CASK: variants seen among roughly 807,000 people sequenced by gnomAD.
CASK encodes the protein calcium/calmodulin dependent serine protein kinase, also known as peripheral plasma membrane protein CASK.
In CASK, 4 loss-of-function variants were observed where a neutral mutation model predicts 82.9. That is an observed-to-expected ratio of 0.05 (90% CI 0.02 to 0.11). CASK has a LOEUF of 0.11. CASK is among the 10% of genes least tolerant of loss of function. CASK has a pLI of 1.00. For synonymous variants in CASK, 259 were observed against 253.5 expected, an observed-to-expected ratio of 1.02 and a Z score of -0.20; for missense variants, 358 against 720.9, an observed-to-expected ratio of 0.50 and a Z score of 5.76.
chrX:41,745,474 CTTT>C (rs1382631376), intron 4 of CASK, 47 bp downstream of exon 4: 2 of 850,297 alleles, frequency 2.4e-6, no homozygotes, highest in African/African-American at 4.0e-5. Flanking sequence ...TTGTCATTTT[CTTT>C]TTTTATTTTC....
At chrX:41,571,183 T>C (rs2065406403) in intron 15 of CASK, among the ~76,000 whole-genome samples, 1 of 111,755 alleles carries the variant, frequency 8.9e-6, no homozygotes, top group South Asian at 3.7e-4. Context: ...CTTTCTAGGA[T>C]GAGCTGGGAA....
intron 1 of CASK, among the ~76,000 whole-genome samples, chrX:41,920,965 C>T: frequency 8.9e-6 from 1 of 111,947 alleles, no homozygotes; most frequent in African/African-American, 3.3e-5. Flanking sequence ...TTTTGGGAAA[C>T]ACCTAATTTA....
Position 41,515,191 on chromosome X carries a change from G to A in CASK, c.*5229C>T, listed in dbSNP as rs1286913295. The A allele has an allele frequency of 8.9e-6, 1 of 112,136 alleles. No individual in the cohort carries two copies. Among genetic ancestry groups the A allele is most frequent in the Non-Finnish European group, 1.9e-5 (1 of 53,242 alleles). 9.2% of individuals were successfully genotyped at this position (112,136 alleles called of 1,213,427 possible). A position where few individuals can be genotyped will look rare whatever the true frequency, so the allele number is the denominator to read the frequency against. On this transcript the variant is annotated 3_prime_UTR_variant, in exon 27 of 27. Transcript: ENST00000378163. ...ATCAGGATGGGAGGGCGTGTGCTAAGGCATGTAAATAGATACACACAGAGA... is the reference window on the plus strand; with the variant it reads ...ATCAGGATGGGAGGGCGTGTGCTAAAGCATGTAAATAGATACACACAGAGA...
chrX:41,773,962 T>C (rs1008044942), intron 3 of CASK, among the ~76,000 whole-genome samples: 4 of 111,727 alleles, frequency 3.6e-5, no homozygotes, highest in African/African-American at 1.3e-4. Flanking sequence ...TAAATTTATA[T>C]AAAAGTATTT....
intron 5 of CASK, among the ~76,000 whole-genome samples, chrX:41,735,805 T>A (rs1348140751): frequency 9.0e-6 from 1 of 111,389 alleles, no homozygotes. Flanking sequence ...CTCTTCCAAG[T>A]CCTTGCTCAG....
At chrX:41,558,205 G>C (rs1207928441) in intron 18 of CASK, 4 of 108,403 alleles carry the variant, frequency 3.7e-5, no homozygotes, top group African/African-American at 1.3e-4. Flanking sequence ...TAGCTGGGAA[G>C]AGTCCAACCA....
intron 1 of CASK, among the ~76,000 whole-genome samples, chrX:41,888,621 TTA>T (rs957547908): frequency 9.3e-6 from 1 of 107,382 alleles, no homozygotes; most frequent in Non-Finnish European, 1.9e-5. Flanking sequence ...TAGTATTCCA[TTA>T]TATATATATG....
chrX:41,634,312 T>G (rs965718908), intron 9 of CASK, among the ~76,000 whole-genome samples: 3 of 112,652 alleles, frequency 2.7e-5, no homozygotes, highest in Non-Finnish European at 3.7e-5. Flanking sequence ...TGTAACATGT[T>G]TTAACAAGGT....
intron 8 of CASK, among the ~76,000 whole-genome samples, chrX:41,645,291 A>G (rs2066736804): frequency 8.9e-6 from 1 of 111,836 alleles, no homozygotes; most frequent in African/African-American, 3.2e-5. Context: ...GTTCCTAAAG[A>G]TAATACTCTA....
At position 41,594,605 on chromosome X, in the gene CASK, G is replaced by A. The variant is rs1044561742; in HGVS notation, c.1156-5013C>T. ...CCTGCCTCTTTCATGACTGGAGGCC[G>A]CCTGGGGCAGGCCATGCTTGTAGTG... On this transcript the variant is annotated intron_variant, in intron 12 of 26. Transcript: ENST00000378163. 3.6e-5 allele frequency among the ~76,000 whole-genome samples: 4 copies of A among 111,987 alleles called. 1 individual carries two copies. The highest frequency in any genetic ancestry group is 2.8e-4 in the Admixed American group (3 of 10,612).
At chrX:41,695,809 C>T in intron 5 of CASK, 1 of 1,203,868 alleles carries the variant, frequency 8.3e-7, no homozygotes, top group Admixed American at 2.2e-5. Flanking sequence ...GTGTTAACCA[C>T]ATCCTACTCT....
intron 3 of CASK, among the ~76,000 whole-genome samples, chrX:41,770,257 C>CTATCT (rs771583572): frequency 1.2e-5 from 1 of 86,539 alleles, no homozygotes; most frequent in African/African-American, 4.6e-5. Flanking sequence ...ATCTATCTAT[C>CTATCT]ATCTATCTAT....
chrX:41,569,158 A>C lies in CASK; in HGVS notation c.1582+510T>G, dbSNP rs139950086. Reference sequence around the variant, plus strand: ...TAACTCTATGATGTCCTAATTTATAAATAGCATATCTAATTCCTAAATGAA... The same window carrying C: ...TAACTCTATGATGTCCTAATTTATACATAGCATATCTAATTCCTAAATGAA... On this transcript the variant is annotated intron_variant, in intron 16 of 26. Transcript: ENST00000378163. Among the ~76,000 whole-genome samples the C allele has an allele frequency of 4.5e-3, 503 of 112,144 alleles. 4 individuals are homozygous for C. Among genetic ancestry groups the C allele is most frequent in the African/African-American group, 0.016 (481 of 30,858 alleles).
At chrX:41,774,667 G>A (rs1227815795) in intron 3 of CASK, among the ~76,000 whole-genome samples, 1 of 110,069 alleles carries the variant, frequency 9.1e-6, no homozygotes, top group Non-Finnish European at 1.9e-5. Flanking sequence ...AAACAGCATG[G>A]TACTGGTACC....
intron 2 of CASK, among the ~76,000 whole-genome samples, chrX:41,851,615 G>A (rs2071268063): frequency 9.0e-6 from 1 of 111,511 alleles, no homozygotes; most frequent in African/African-American, 3.3e-5. Flanking sequence ...TTAGAATTTG[G>A]TACAACAATG....
chrX:41,708,116 CAA>C (rs774468294), intron 5 of CASK, among the ~76,000 whole-genome samples: 11 of 31,687 alleles, frequency 3.5e-4, no homozygotes, highest in African/African-American at 4.5e-4. Flanking sequence ...GACTCCATCT[CAA>C]AAAAAAAAAA....
chrX:41,570,317 C>A (rs1442517915), intron 15 of CASK, among the ~76,000 whole-genome samples: 1 of 110,991 alleles, frequency 9.0e-6, no homozygotes, highest in East Asian at 2.8e-4. Flanking sequence ...CATGCCTGGC[C>A]GATAGTGCTT....
At chrX:41,641,435 C>G (rs1344331713) in intron 8 of CASK, among the ~76,000 whole-genome samples, 2 of 111,382 alleles carry the variant, frequency 1.8e-5, no homozygotes, top group Admixed American at 9.6e-5. Context: ...GTATACTTTA[C>G]AGTCTATATA....
chrX:41,665,497 G>A (rs1375948233), intron 6 of CASK, 45 bp from the exon 7 acceptor site: 2 of 1,028,711 alleles, frequency 1.9e-6, no homozygotes, highest in Admixed American at 5.0e-5. Context: ...CATAAAATGG[G>A]ATTTTCACTT....
Sources: allele counts gnomAD v4.1 joint callset (sites outside exome capture counted in the v4.1 genomes callset), GRCh38; gene constraint gnomAD v4.1.1; transcripts MANE v1.5; gene names NCBI Gene and HGNC (gene_info 2026-07-23, HGNC 2026-07-21).